The following S100A10 variants were observed in gnomAD, a reference collection of about 807,000 sequenced individuals.
S100A10 encodes protein S100-A10.
A neutral mutation model predicts 7.1 loss-of-function variants in S100A10; 3 were observed. The ratio of observed to expected loss-of-function variants is 0.42; its 90% CI spans 0.19 to 1.10. S100A10 has a LOEUF of 1.10. S100A10 is among the 50% of genes least tolerant of loss of function. The probability of loss-of-function intolerance (pLI) is 0.29; values close to 1 mark genes in which losing one functional copy is unlikely to be tolerated. For synonymous variants in S100A10, 41 were observed against 39.3 expected (o/e 1.04, Z -0.16); for missense variants, 101 against 118.1 (o/e 0.86, Z 0.67).
chr1:151,987,543 T>TG (rs1461769446), intron 1 of S100A10, among the ~76,000 whole-genome samples: 1 of 146,656 alleles, frequency 6.8e-6, no homozygotes, highest in Non-Finnish European at 1.5e-5. Flanking sequence ...GTATTCTTTT[T>TG]TTTTTTTTTT....
intron 1 of S100A10, among the ~76,000 whole-genome samples, chr1:151,988,394 T>C (rs1278735579): frequency 6.6e-6 from 1 of 152,230 alleles, no homozygotes; most frequent in Non-Finnish European, 1.5e-5. Context: ...TGAAGAGCTC[T>C]AATGGGAACC....
At position 151,986,188 on chromosome 1, in the gene S100A10, T is replaced by A; in HGVS notation, c.43A>T (p.Thr15Ser). ...MEHAMETMMF[T>S]FHKFAGDKGY... is the part of the protein sequence containing the mutation. ...TTATCCCCAGCGAATTTGTGAAATG[T>A]AAACATCATGGTTTCCATGGCGTGT... The change falls in exon 2 of 3, where the codon ACA becomes TCA. Residue 15 changes from threonine (T) to serine (S), a missense_variant. Coordinates refer to ENST00000368811, the MANE Select transcript of S100A10 (RefSeq NM_002966.3). The A allele has an allele frequency of 5.0e-6, 8 of 1,608,834 alleles. No individual in the cohort carries two copies. Among genetic ancestry groups the A allele is most frequent in the Non-Finnish European group, 5.9e-6 (7 of 1,178,362 alleles).
At chr1:151,991,470 T>A (rs1655901875) in intron 1 of S100A10, among the ~76,000 whole-genome samples, 2 of 152,362 alleles carry the variant, frequency 1.3e-5, no homozygotes, top group East Asian at 3.9e-4. Context: ...CCAACATAGC[T>A]ACTGTCAAAA....
At chr1:151,986,471 A>G (rs995960788) in intron 1 of S100A10, among the ~76,000 whole-genome samples, 1 of 152,150 alleles carries the variant, frequency 6.6e-6, no homozygotes, top group Non-Finnish European at 1.5e-5. Flanking sequence ...ACACTTAGCC[A>G]CTCTTAACTA....
rs1655961585 is a variant in S100A10, at chr1:151,993,721, A to C, written c.-22+31T>G. On this transcript the variant is annotated intron_variant, in intron 1 of 2. Transcript: ENST00000368811. The surrounding 1 kb of genome is among the most constrained non-coding windows in gnomAD (Gnocchi z 5.1). ...GCAGGTCCGGGCCTGGGGACTACCC[A>C]GGAGGGGCGCGTGGGCCGGGCGGAG... is the stretch of plus-strand genomic sequence containing the variant. 6.5e-6 allele frequency: 1 copy of C among 153,044 alleles called. No homozygotes were observed. The highest frequency in any genetic ancestry group is 6.5e-5 in the Admixed American group (1 of 15,278). 9.5% of individuals were successfully genotyped at this position (153,044 alleles called of 1,614,324 possible).
At chr1:151,986,775 T>TA (rs1337000237) in intron 1 of S100A10, among the ~76,000 whole-genome samples, 1 of 152,232 alleles carries the variant, frequency 6.6e-6, no homozygotes, top group Non-Finnish European at 1.5e-5. Flanking sequence ...TTAAGCCATA[T>TA]GTATTGCCAG....
chr1:151,993,337 C>T lies in S100A10; in HGVS notation c.-22+415G>A, dbSNP rs1357963671. On this transcript the variant is annotated intron_variant, in intron 1 of 2. Coordinates refer to ENST00000368811, the MANE Select transcript of S100A10 (RefSeq NM_002966.3). The surrounding 1 kb of genome is among the most constrained non-coding windows in gnomAD (Gnocchi z 5.1). Reference sequence around the variant, plus strand: ...GCTACGAACATGCAGACCCGGCCTGCGAGCGGAACCCACCAAGAAACACGC... The same window carrying T: ...GCTACGAACATGCAGACCCGGCCTGTGAGCGGAACCCACCAAGAAACACGC... 6.6e-6 allele frequency among the ~76,000 whole-genome samples: 1 copy of T among 152,088 alleles called. No homozygotes were observed. Among genetic ancestry groups the T allele is most frequent in the African/African-American group, 2.4e-5 (1 of 41,410 alleles).
chr1:151,991,819 G>T (rs1283730825), intron 1 of S100A10, among the ~76,000 whole-genome samples: 1 of 152,198 alleles, frequency 6.6e-6, no homozygotes, highest in Non-Finnish European at 1.5e-5. Flanking sequence ...TAGAAAGCAG[G>T]GAGGCACACA....
At chr1:151,987,664 C>T (rs1004892189) in intron 1 of S100A10, among the ~76,000 whole-genome samples, 3 of 151,712 alleles carry the variant, frequency 2.0e-5, no homozygotes, top group African/African-American at 7.3e-5. Context: ...CTCAGCCTCC[C>T]GAGTAGCTGG....
intron 1 of S100A10, among the ~76,000 whole-genome samples, chr1:151,988,217 T>A (rs527992434): frequency 6.6e-6 from 1 of 152,350 alleles, no homozygotes; most frequent in East Asian, 1.9e-4. Flanking sequence ...TTGGAAGGAA[T>A]CATTTGGCGA....
At position 151,983,298 on chromosome 1, in the gene S100A10, G is replaced by A; in HGVS notation, c.159C>T (p.Asp53=). 6.4e-7 allele frequency: 1 copy of A among 1,560,058 alleles called. No homozygotes were observed. Among genetic ancestry groups the A allele is most frequent in the Non-Finnish European group, 8.6e-7 (1 of 1,160,868 alleles). The change falls in exon 3 of 3, where the codon GAC becomes GAT. Residue 53 remains aspartate (D), a synonymous_variant. Coordinates refer to ENST00000368811, the MANE Select transcript of S100A10 (RefSeq NM_002966.3). Reference sequence around the variant, plus strand: ...ACTGGTCCAGGTCCTTCATTATTTTGTCCACAGCCAGAGGGTCTTTTTGAT... The same window carrying A: ...ACTGGTCCAGGTCCTTCATTATTTTATCCACAGCCAGAGGGTCTTTTTGAT... ...LENQKDPLAV[D]KIMKDLDQCR...
chr1:151,991,992 A>T (rs909979780), intron 1 of S100A10, among the ~76,000 whole-genome samples: 2 of 152,322 alleles, frequency 1.3e-5, no homozygotes, highest in African/African-American at 4.8e-5. Context: ...AGACCAAAAA[A>T]ATTGTAAGAA....
rs536837128 is a variant in S100A10 at position 151,993,844 on chromosome 1, C to T, written c.-114G>A. ...GGCGGGCTGTGCGCCTTCCTTAGTA[C>T]GTGCGGCGGGTGGGTAGAGGGAGGC... On this transcript the variant is annotated 5_prime_UTR_variant, in exon 1 of 3. Transcript: ENST00000368811. This position sits in a 1 kb window ranked among gnomAD's most constrained non-coding sequence, Gnocchi z 5.1. The T allele has an allele frequency of 4.8e-3, 742 of 153,694 alleles. 5 individuals are homozygous for T. Among genetic ancestry groups the T allele is most frequent in the Non-Finnish European group, 6.8e-3 (471 of 68,838 alleles). The allele number at this position is 153,694 out of a possible 1,614,324, so 9.5% of individuals were successfully genotyped here.
chr1:151,987,439 T>G (rs556329117), intron 1 of S100A10, among the ~76,000 whole-genome samples: 13 of 152,266 alleles, frequency 8.5e-5, no homozygotes, highest in African/African-American at 3.1e-4. Context: ...ATACGAAAAC[T>G]TCACCCTTCT....
At chr1:151,991,118 G>A (rs539040104) in intron 1 of S100A10, among the ~76,000 whole-genome samples, 11 of 152,138 alleles carry the variant, frequency 7.2e-5, no homozygotes, top group African/African-American at 1.9e-4. Flanking sequence ...GAAAATAAAC[G>A]GCAGGGTGTC....
intron 1 of S100A10, among the ~76,000 whole-genome samples, chr1:151,988,515 A>G (rs1251635683): frequency 6.6e-6 from 1 of 152,160 alleles, no homozygotes; most frequent in Non-Finnish European, 1.5e-5. Flanking sequence ...ATGAGGATTG[A>G]GCAATTAACA....
chr1:151,993,738 C>A lies in S100A10; in HGVS notation c.-22+14G>T. The A allele has an allele frequency of 6.5e-6, 1 of 153,624 alleles. No homozygotes were observed. Among genetic ancestry groups the A allele is most frequent in the South Asian group, 1.9e-4 (1 of 5,186 alleles). The allele number at this position is 153,624 out of a possible 1,614,324, so 9.5% of individuals were successfully genotyped here. A position where few individuals can be genotyped will look rare whatever the true frequency, so the allele number is the denominator to read the frequency against. ...GACTACCCAGGAGGGGCGCGTGGGC[C>A]GGGCGGAGCTCACCTTGGCCGAGGC... On this transcript the variant is annotated intron_variant, in intron 1 of 2. Coordinates refer to ENST00000368811, the MANE Select transcript of S100A10 (RefSeq NM_002966.3). The surrounding 1 kb of genome is among the most constrained non-coding windows in gnomAD (Gnocchi z 5.1).
chr1:151,987,763 C>T (rs1468928499), intron 1 of S100A10, among the ~76,000 whole-genome samples: 2 of 151,086 alleles, frequency 1.3e-5, no homozygotes, highest in Admixed American at 1.3e-4. Context: ...CTCCTGACCT[C>T]GTGATCCGCC....
intron 1 of S100A10, among the ~76,000 whole-genome samples, chr1:151,991,313 C>T (rs1005736878): frequency 6.6e-6 from 1 of 152,208 alleles, no homozygotes; most frequent in African/African-American, 2.4e-5. Context: ...CTCTCACCAA[C>T]TAAAACTTGC....
Sources: allele counts gnomAD v4.1 joint callset (sites outside exome capture counted in the v4.1 genomes callset), GRCh38; gene constraint gnomAD v4.1.1; non-coding constraint Gnocchi (gnomAD v3.1); transcripts MANE v1.5; gene names NCBI Gene and HGNC (gene_info 2026-07-23, HGNC 2026-07-21).